PDZRN4: variants seen among roughly 807,000 people sequenced by gnomAD.
PDZRN4 encodes PDZ domain containing ring finger 4.
In PDZRN4, 70 loss-of-function variants were observed where a neutral mutation model predicts 99.0. That is an observed-to-expected ratio of 0.71 (90% CI 0.58 to 0.86). The LOEUF (loss-of-function observed/expected upper bound fraction) is 0.86. Among genes scored for constraint, PDZRN4 ranks in the 40% least tolerant of loss-of-function variants. The pLI is 0.00. For synonymous variants in PDZRN4, 551 were observed against 501.6 expected (o/e 1.10, Z -1.32); for missense variants, 1,474 against 1,331.2 (o/e 1.11, Z -1.67).
At chr12:41,310,829 A>T (rs572912753) in intron 3 of PDZRN4, among the ~76,000 whole-genome samples, 7 of 152,134 alleles carry the variant, frequency 4.6e-5, no homozygotes, top group Admixed American at 3.3e-4. Flanking sequence ...ATCCATTTAC[A>T]TTTAGGGCAA....
At chr12:41,494,877 G>T (rs1308198308) in intron 3 of PDZRN4, among the ~76,000 whole-genome samples, 2 of 152,064 alleles carry the variant, frequency 1.3e-5, no homozygotes, top group Admixed American at 6.6e-5. Flanking sequence ...CTAGGAAACT[G>T]GTTGCTTGTT....
intron 3 of PDZRN4, among the ~76,000 whole-genome samples, chr12:41,385,218 G>T (rs1008243584): frequency 6.6e-6 from 1 of 152,158 alleles, no homozygotes; most frequent in Non-Finnish European, 1.5e-5. Flanking sequence ...AAATTCTGGG[G>T]AGGAGTTGCA....
chr12:41,497,721 A>G lies in PDZRN4; in HGVS notation c.844-8735A>G, dbSNP rs11180964. 6.1e-3 allele frequency among the ~76,000 whole-genome samples: 922 copies of G among 152,264 alleles called. 40 individuals are homozygous for G. The East Asian group carries it at 0.12, about 21-fold the overall frequency. ...TCAGGTGATATTCAGTAGATGAATT[A>G]TTATGACAAAGATAAAGTTGGTGAC... On this transcript the variant is annotated intron_variant, in intron 3 of 9. Coordinates refer to ENST00000402685, the MANE Select transcript of PDZRN4 (RefSeq NM_001164595.2).
At chr12:41,564,495 T>C (rs1939329528) in intron 8 of PDZRN4, among the ~76,000 whole-genome samples, 1 of 152,192 alleles carries the variant, frequency 6.6e-6, no homozygotes, top group African/African-American at 2.4e-5. Context: ...GTCTCCTCGG[T>C]TATTGATATG....
intron 5 of PDZRN4, among the ~76,000 whole-genome samples, chr12:41,520,387 A>C (rs546882950): frequency 6.6e-6 from 1 of 152,058 alleles, no homozygotes; most frequent in African/African-American, 2.4e-5. Context: ...AGTACTCTGC[A>C]CATGGTAGAA....
At chr12:41,230,998 A>G (rs1951025005) in intron 3 of PDZRN4, among the ~76,000 whole-genome samples, 2 of 152,118 alleles carry the variant, frequency 1.3e-5, no homozygotes, top group South Asian at 4.1e-4. Flanking sequence ...AGTAATTCCC[A>G]TCACTTCCCC....
intron 3 of PDZRN4, among the ~76,000 whole-genome samples, chr12:41,481,133 T>C (rs1937666738): frequency 6.6e-6 from 1 of 152,096 alleles, no homozygotes; most frequent in African/African-American, 2.4e-5. Context: ...TGCCTCATAT[T>C]TCTCCTGTAG....
intron 3 of PDZRN4, among the ~76,000 whole-genome samples, chr12:41,496,675 G>A (rs1160328888): frequency 6.6e-6 from 1 of 152,130 alleles, no homozygotes; most frequent in Non-Finnish European, 1.5e-5. Flanking sequence ...GCTACAGAAT[G>A]GAGCTGGGAA....
intron 3 of PDZRN4, among the ~76,000 whole-genome samples, chr12:41,291,248 C>T (rs1951454930): frequency 6.6e-6 from 1 of 151,170 alleles, no homozygotes; most frequent in Non-Finnish European, 1.5e-5. Flanking sequence ...TGATCAGAAA[C>T]ACTATTATTT....
intron 3 of PDZRN4, among the ~76,000 whole-genome samples, chr12:41,256,869 A>G (rs530441190): frequency 2.0e-5 from 3 of 152,330 alleles, no homozygotes; most frequent in Admixed American, 2.0e-4. Context: ...ACCATCTCTA[A>G]TTAGTCAACT....
At chr12:41,390,934 G>A (rs1407240961) in intron 3 of PDZRN4, among the ~76,000 whole-genome samples, 1 of 152,104 alleles carries the variant, frequency 6.6e-6, no homozygotes, top group African/African-American at 2.4e-5. Flanking sequence ...ATTCTATCAT[G>A]AACAATAAAA....
At chr12:41,420,217 A>T (rs765062010) in intron 3 of PDZRN4, among the ~76,000 whole-genome samples, 8 of 152,196 alleles carry the variant, frequency 5.3e-5, no homozygotes, top group Middle Eastern at 6.8e-3. Flanking sequence ...TCTTCCTTCA[A>T]TCAGTACCTA....
At chr12:41,204,047 A>AGCAAATATAT (rs1555216103) in intron 3 of PDZRN4, among the ~76,000 whole-genome samples, 1 of 151,278 alleles carries the variant, frequency 6.6e-6, no homozygotes, top group African/African-American at 2.4e-5. Context: ...AAGGGCTTGT[A>AGCAAATATAT]GCAAATAAAT....
chr12:41,373,574 C>G (rs190153208), intron 3 of PDZRN4, among the ~76,000 whole-genome samples: 123 of 152,262 alleles, frequency 8.1e-4, no homozygotes, highest in Admixed American at 2.0e-3. Flanking sequence ...GTTTAAGGTT[C>G]TCTCTTATTC....
intron 3 of PDZRN4, among the ~76,000 whole-genome samples, chr12:41,263,846 C>G (rs1277181490): frequency 6.6e-6 from 1 of 152,084 alleles, no homozygotes; most frequent in African/African-American, 2.4e-5. Flanking sequence ...TAATCCCACA[C>G]CTTAAAATAC....
chr12:41,512,912 T>A lies in PDZRN4; in HGVS notation c.1203+2999T>A, dbSNP rs545648174. ...TTAGAGTGAAGCACACCTTTTGGCA[T>A]CCACCAGAGCAAGAGCAATGCATCC... On this transcript the variant is annotated intron_variant, in intron 5 of 9. Coordinates refer to ENST00000402685, the MANE Select transcript of PDZRN4 (RefSeq NM_001164595.2). Among the ~76,000 whole-genome samples the A allele has an allele frequency of 1.8e-3, 273 of 152,208 alleles. 3 individuals are homozygous for A. The highest frequency in any genetic ancestry group is 6.2e-3 in the African/African-American group (259 of 41,558).
chr12:41,281,646 AG>A (rs1438780236), intron 3 of PDZRN4, among the ~76,000 whole-genome samples: 1 of 152,230 alleles, frequency 6.6e-6, no homozygotes, highest in Non-Finnish European at 1.5e-5. Flanking sequence ...AATGAAATAA[AG>A]CATGAAGGCA....
chr12:41,520,159 T>G (rs1438678332), intron 5 of PDZRN4, among the ~76,000 whole-genome samples: 1 of 152,178 alleles, frequency 6.6e-6, no homozygotes, highest in African/African-American at 2.4e-5. Context: ...CAAAAAAGTT[T>G]TTTTAACTCT....
chr12:41,201,789 A>G (rs1251537168), intron 3 of PDZRN4, among the ~76,000 whole-genome samples: 1 of 152,154 alleles, frequency 6.6e-6, no homozygotes, highest in Non-Finnish European at 1.5e-5. Context: ...TAAGATCTCG[A>G]AAATCTAGCC....
Sources: gnomAD v4.1 joint callset for allele counts (sites outside exome capture counted in the v4.1 genomes callset) on GRCh38, gnomAD v4.1.1 for gene constraint, MANE v1.5 for transcripts, NCBI Gene and HGNC (gene_info 2026-07-23, HGNC 2026-07-21) for gene names.